Variants in EYS observed in about 807,000 individuals in gnomAD.
EYS encodes the protein protein eyes shut homolog.
Under a neutral mutation model 282.1 loss-of-function variants are expected in EYS, and 250 were observed. The observed-to-expected ratio is 0.89, with a 90% CI of 0.80 to 0.98. The LOEUF is 0.98. EYS is among the 50% of genes least tolerant of loss of function. EYS has a pLI of 0.00. For missense variants in EYS, 4,016 were observed against 3,709.0 expected (o/e 1.08, Z -2.15); for synonymous variants, 1,355 against 1,282.9 (o/e 1.06, Z -1.20).
intron 19 of EYS, among the ~76,000 whole-genome samples, chr6:64,843,155 G>T (rs186744152): frequency 6.6e-6 from 1 of 152,146 alleles, no homozygotes; most frequent in African/African-American, 2.4e-5. Context: ...GAAATGCCTG[G>T]ATGCCCAGGG....
intron 35 of EYS, among the ~76,000 whole-genome samples, chr6:63,925,311 T>G (rs1237202482): frequency 6.6e-6 from 1 of 152,112 alleles, no homozygotes; most frequent in African/African-American, 2.4e-5. Context: ...GTCCTGTTCA[T>G]CAGAAAGAAT....
At chr6:65,536,931 C>T (rs755134350) in intron 2 of EYS, among the ~76,000 whole-genome samples, 11 of 152,072 alleles carry the variant, frequency 7.2e-5, no homozygotes, top group East Asian at 1.9e-4. Context: ...TAAACTCATA[C>T]GGCAACGCTA....
At chr6:64,337,957 A>G (rs565022984) in intron 29 of EYS, among the ~76,000 whole-genome samples, 7 of 151,970 alleles carry the variant, frequency 4.6e-5, no homozygotes, top group African/African-American at 1.7e-4. Context: ...TATCAGCAAA[A>G]TCAGCATACA....
rs779055763 is a variant in EYS, at chr6:64,066,337, C to G, written c.6725+1G>C. On this transcript the variant is annotated splice_donor_variant, in intron 33 of 42. Transcript: ENST00000503581. LOFTEE classifies it high-confidence loss of function. ...GAACTACCGTGGAGTACAGTACTTA[C>G]CGTATTGTGATAGGGGTGAATGCAT... 1 of 1,548,660 alleles carries G rather than the reference C, an allele frequency of 6.5e-7. No homozygotes were observed. Among genetic ancestry groups the G allele is most frequent in the Non-Finnish European group, 8.7e-7 (1 of 1,145,334 alleles).
At chr6:64,301,127 T>A (rs1470783277) in intron 30 of EYS, among the ~76,000 whole-genome samples, 1 of 152,228 alleles carries the variant, frequency 6.6e-6, no homozygotes, top group Non-Finnish European at 1.5e-5. Context: ...TGGAAATATC[T>A]TGGGTACATA....
chr6:64,445,853 G>A (rs553852626), intron 26 of EYS, among the ~76,000 whole-genome samples: 4 of 152,156 alleles, frequency 2.6e-5, no homozygotes, highest in African/African-American at 9.6e-5. Context: ...GATGAGGACG[G>A]GCTCAGCTCC....
intron 13 of EYS, among the ~76,000 whole-genome samples, chr6:65,008,140 C>T (rs1771743749): frequency 6.6e-6 from 1 of 152,096 alleles, no homozygotes; most frequent in Non-Finnish European, 1.5e-5. Context: ...AACTTGCGTG[C>T]TAGAAGGACT....
chr6:64,459,513 G>T (rs1775672934), intron 26 of EYS, among the ~76,000 whole-genome samples: 1 of 152,208 alleles, frequency 6.6e-6, no homozygotes, highest in African/African-American at 2.4e-5. Context: ...CCATCTGCAA[G>T]CTGAGCAGCA....
In EYS at chr6:64,706,421, G is replaced by A. The variant is rs554845747; in HGVS notation, c.3444-80176C>T. Among the ~76,000 whole-genome samples, 45 of 152,018 alleles carry A rather than the reference G, an allele frequency of 3.0e-4. No individual in the cohort carries two copies. The Middle Eastern group carries it at 0.01, about 34-fold the overall frequency. On this transcript the variant is annotated intron_variant, in intron 22 of 42. Coordinates refer to ENST00000503581, the MANE Select transcript of EYS (RefSeq NM_001142800.2). ...GCTTAGTCAAAGACTTCATGACCAA[G>A]TACCCAAAAGCAAATGCAACTAAAA...
At chr6:64,146,282 A>G (rs1290229944) in intron 31 of EYS, among the ~76,000 whole-genome samples, 1 of 151,982 alleles carries the variant, frequency 6.6e-6, no homozygotes, top group Non-Finnish European at 1.5e-5. Flanking sequence ...GAGGAATTAC[A>G]AATAGAAAAG....
chr6:65,492,321 G>GA (rs1554202568), intron 4 of EYS, among the ~76,000 whole-genome samples: 1 of 99,642 alleles, frequency 1.0e-5, no homozygotes, highest in Non-Finnish European at 2.0e-5. Context: ...GAGAAAGAAA[G>GA]AAGAAAGAAA....
At chr6:65,559,984 CA>C (rs1314845261) in intron 2 of EYS, among the ~76,000 whole-genome samples, 48 of 150,796 alleles carry the variant, frequency 3.2e-4, no homozygotes, top group African/African-American at 8.9e-4. Context: ...ACTTTGAAGA[CA>C]TTTTTTTCAA....
chr6:65,539,445 T>C (rs1008849660), intron 2 of EYS, among the ~76,000 whole-genome samples: 1 of 152,132 alleles, frequency 6.6e-6, no homozygotes, highest in Non-Finnish European at 1.5e-5. Context: ...ATATACAATA[T>C]AAATATATTG....
intron 31 of EYS, among the ~76,000 whole-genome samples, chr6:64,201,814 G>A (rs1457480027): frequency 1.3e-5 from 2 of 152,128 alleles, no homozygotes; most frequent in Non-Finnish European, 2.9e-5. Context: ...ACTTTTGCTG[G>A]TGAATATTAA....
chr6:65,029,500 T>C (rs1408888384), intron 13 of EYS, among the ~76,000 whole-genome samples: 2 of 152,174 alleles, frequency 1.3e-5, no homozygotes, highest in Non-Finnish European at 2.9e-5. Context: ...GGTCTATTTA[T>C]ATGCAAAGTT....
At chr6:64,142,434 G>A (rs1428334386) in intron 31 of EYS, among the ~76,000 whole-genome samples, 1 of 152,012 alleles carries the variant, frequency 6.6e-6, no homozygotes, top group Non-Finnish European at 1.5e-5. Flanking sequence ...CAGAGCCAGA[G>A]AGAAAGGGAA....
chr6:64,858,252 T>A (rs1766128407), intron 19 of EYS, among the ~76,000 whole-genome samples: 2 of 152,150 alleles, frequency 1.3e-5, no homozygotes. Flanking sequence ...ATTTTCAAAA[T>A]TTGTTTTGAG....
At chr6:65,365,722 G>A in intron 8 of EYS, among the ~76,000 whole-genome samples, 1 of 151,606 alleles carries the variant, frequency 6.6e-6, no homozygotes, top group East Asian at 1.9e-4. Context: ...GAATTAGAGA[G>A]AGATTTTCCT....
chr6:64,981,276 A>T (rs1302193563), intron 14 of EYS, among the ~76,000 whole-genome samples: 1 of 151,464 alleles, frequency 6.6e-6, no homozygotes, highest in Non-Finnish European at 1.5e-5. Flanking sequence ...ACCCAAGAAA[A>T]CCTAAAACTT....
Sources: allele counts gnomAD v4.1 joint callset (sites outside exome capture counted in the v4.1 genomes callset), GRCh38; gene constraint gnomAD v4.1.1; transcripts MANE v1.5; gene names NCBI Gene and HGNC (gene_info 2026-07-23, HGNC 2026-07-21).